Variants in PXDNL observed in about 807,000 individuals in gnomAD.
PXDNL encodes the protein peroxidasin like, also known as probable oxidoreductase PXDNL.
PXDNL carries 145 observed loss-of-function variants against 150.8 expected under a neutral mutation model. The ratio of observed to expected loss-of-function variants is 0.96; its 90% CI spans 0.84 to 1.10. The LOEUF is 1.10. PXDNL is among the 50% of genes least tolerant of loss of function. PXDNL has a pLI of 0.00. For synonymous variants in PXDNL, 757 were observed against 725.7 expected, an observed-to-expected ratio of 1.04 and a Z score of -0.69; for missense variants, 2,087 against 1,873.9, an observed-to-expected ratio of 1.11 and a Z score of -2.10.
intron 2 of PXDNL, 81 bp downstream of exon 2, chr8:51,654,608 C>T (rs1815113531): frequency 4.7e-6 from 5 of 1,062,556 alleles, no homozygotes; most frequent in African/African-American, 1.6e-5. Flanking sequence ...GTTCTTGACA[C>T]TCAGAATGAC....
At chr8:51,461,310 G>T (rs1810077253) in intron 8 of PXDNL, among the ~76,000 whole-genome samples, 2 of 152,218 alleles carry the variant, frequency 1.3e-5, no homozygotes, top group East Asian at 3.9e-4. Flanking sequence ...CCGCCACAGG[G>T]CTAGTATGGG....
At chr8:51,441,008 T>C (rs934159842) in intron 12 of PXDNL, among the ~76,000 whole-genome samples, 5 of 152,168 alleles carry the variant, frequency 3.3e-5, no homozygotes, top group South Asian at 2.1e-4. Flanking sequence ...TGGTTCTGTG[T>C]CCCCACCCAC....
chr8:51,361,937 C>CAAAAAAAAAAAAAAAAAAAAAAAAAAA (rs57092440), intron 19 of PXDNL, among the ~76,000 whole-genome samples: 1 of 58,064 alleles, frequency 1.7e-5, no homozygotes, highest in African/African-American at 7.0e-5. Flanking sequence ...GATTCCATCT[C>CAAAAAAAAAAAAAAAAAAAAAAAAAAA]AAAAAAAAAA....
chr8:51,490,863 A>G (rs1215179507), intron 5 of PXDNL, among the ~76,000 whole-genome samples: 3 of 151,928 alleles, frequency 2.0e-5, no homozygotes, highest in Non-Finnish European at 4.4e-5. Context: ...TCTATTACCT[A>G]GCTGTGATGG....
chr8:51,411,173 TTCAGTG>T, intron 16 of PXDNL, 71 bp downstream of exon 16: 1 of 1,184,608 alleles, frequency 8.4e-7, no homozygotes, highest in African/African-American at 1.6e-5. Flanking sequence ...AGATTAAAAG[TTCAGTG>T]TCCTTTGCTA....
chr8:51,587,935 A>G (rs1813362893), intron 3 of PXDNL, among the ~76,000 whole-genome samples: 1 of 152,200 alleles, frequency 6.6e-6, no homozygotes, highest in Non-Finnish European at 1.5e-5. Context: ...GAAATCAGAA[A>G]ATAAATAATT....
chr8:51,367,705 G>A (rs569339387), intron 19 of PXDNL, among the ~76,000 whole-genome samples: 1 of 152,190 alleles, frequency 6.6e-6, no homozygotes, highest in East Asian at 1.9e-4. Flanking sequence ...CAGATACATA[G>A]AATGACTTGA....
intron 12 of PXDNL, among the ~76,000 whole-genome samples, chr8:51,446,172 T>C (rs989892395): frequency 6.6e-6 from 1 of 152,216 alleles, no homozygotes. Context: ...TCCCAGTGCT[T>C]CTTCTCACAC....
chr8:51,480,707 C>T (rs888575478), intron 6 of PXDNL, among the ~76,000 whole-genome samples: 5 of 152,118 alleles, frequency 3.3e-5, no homozygotes, highest in African/African-American at 1.2e-4. Context: ...GGGGTGGTTT[C>T]CCCCATACTG....
At chr8:51,610,368 A>G (rs1215959595) in intron 2 of PXDNL, among the ~76,000 whole-genome samples, 1 of 152,212 alleles carries the variant, frequency 6.6e-6, no homozygotes, top group Non-Finnish European at 1.5e-5. Context: ...TATTTATAAT[A>G]GTATATAAAT....
intron 17 of PXDNL, among the ~76,000 whole-genome samples, chr8:51,399,748 C>T (rs1322205021): frequency 6.6e-6 from 1 of 152,154 alleles, no homozygotes; most frequent in Non-Finnish European, 1.5e-5. Context: ...ATGATGTTAA[C>T]TGAAAATTTA....
At chr8:51,684,559 T>C (rs575801928) in intron 1 of PXDNL, among the ~76,000 whole-genome samples, 3 of 152,372 alleles carry the variant, frequency 2.0e-5, no homozygotes, top group East Asian at 3.9e-4. Flanking sequence ...TGTGTGATTA[T>C]ACTGTTACAT....
intron 16 of PXDNL, 84 bp downstream of exon 16, chr8:51,411,166 T>C: frequency 8.8e-7 from 1 of 1,139,518 alleles, no homozygotes; most frequent in South Asian, 3.3e-5. Flanking sequence ...ATTCTGGAGA[T>C]TAAAAGTTCA....
intron 2 of PXDNL, among the ~76,000 whole-genome samples, chr8:51,629,503 A>T (rs1290487092): frequency 6.6e-6 from 1 of 152,204 alleles, no homozygotes; most frequent in African/African-American, 2.4e-5. Context: ...AATAAAGAAT[A>T]CTTCAAGAAA....
chr8:51,563,984 C>G (rs1033171099), intron 3 of PXDNL, among the ~76,000 whole-genome samples: 1 of 151,874 alleles, frequency 6.6e-6, no homozygotes, highest in Non-Finnish European at 1.5e-5. Flanking sequence ...GTTGGAAAGT[C>G]ATTTCTATAT....
intron 3 of PXDNL, among the ~76,000 whole-genome samples, chr8:51,568,156 T>C (rs186902176): frequency 6.6e-6 from 1 of 151,160 alleles, no homozygotes; most frequent in Admixed American, 6.6e-5. Context: ...TATCAATAAA[T>C]AATAAAAAAT....
At chr8:51,743,245 T>TCTCA (rs1352574569) in intron 1 of PXDNL, among the ~76,000 whole-genome samples, 1 of 152,130 alleles carries the variant, frequency 6.6e-6, no homozygotes, top group African/African-American at 2.4e-5. Flanking sequence ...TGAGACAGGG[T>TCTCA]CTCACTCTGT....
chr8:51,559,417 C>A (rs4327855), intron 3 of PXDNL, among the ~76,000 whole-genome samples: 52,518 of 148,884 alleles, frequency 0.35, 10,453 homozygotes, highest in African/African-American at 0.53. Flanking sequence ...CACAGCTTCC[C>A]GTTTCCCATA....
intron 12 of PXDNL, among the ~76,000 whole-genome samples, chr8:51,440,407 T>C (rs1809513361): frequency 6.6e-6 from 1 of 151,508 alleles, no homozygotes; most frequent in African/African-American, 2.4e-5. Context: ...AAACACCACC[T>C]ATTCCCCCAA....
Sources: allele counts gnomAD v4.1 joint callset (sites outside exome capture counted in the v4.1 genomes callset), GRCh38; gene constraint gnomAD v4.1.1; transcripts MANE v1.5; gene names NCBI Gene and HGNC (gene_info 2026-07-23, HGNC 2026-07-21).